The following TMEFF1 variants were observed in gnomAD, a reference collection of about 807,000 sequenced individuals.
The protein encoded by TMEFF1 is tomoregulin-1.
Under a neutral mutation model 47.5 loss-of-function variants are expected in TMEFF1, and 20 were observed. The observed-to-expected ratio is 0.42, with a 90% CI of 0.30 to 0.61. TMEFF1 has a LOEUF of 0.61. TMEFF1 is among the 20% of genes least tolerant of loss of function. TMEFF1 has a pLI of 0.19. For synonymous variants in TMEFF1, 162 were observed against 166.3 expected (o/e 0.97, Z 0.20); for missense variants, 411 against 471.1 (o/e 0.87, Z 1.18).
chr9:100,528,223 G>A (rs1165512779), intron 5 of TMEFF1, among the ~76,000 whole-genome samples: 16 of 151,270 alleles, frequency 1.1e-4, no homozygotes, highest in South Asian at 6.3e-4. Flanking sequence ...CACCAGCAAC[G>A]GAACAAAGCT....
chr9:100,479,932 A>G (rs1837308550), intron 1 of TMEFF1, among the ~76,000 whole-genome samples: 1 of 152,190 alleles, frequency 6.6e-6, no homozygotes, highest in South Asian at 2.1e-4. Context: ...TCACATTTTG[A>G]GGAATTACCA....
At chr9:100,482,093 A>T (rs767130347) in intron 1 of TMEFF1, among the ~76,000 whole-genome samples, 1 of 151,136 alleles carries the variant, frequency 6.6e-6, no homozygotes, top group African/African-American at 2.4e-5. Context: ...ACAGTTTTTT[A>T]AAAAAGTTAC....
chr9:100,526,031 G>A (rs562496917), intron 5 of TMEFF1, among the ~76,000 whole-genome samples: 2 of 152,262 alleles, frequency 1.3e-5, no homozygotes, highest in South Asian at 2.1e-4. Context: ...TTTTAAAAAC[G>A]TTTGAGACCT....
At chr9:100,488,973 C>T (rs1837500997) in intron 1 of TMEFF1, among the ~76,000 whole-genome samples, 2 of 152,004 alleles carry the variant, frequency 1.3e-5, no homozygotes, top group Admixed American at 1.3e-4. Context: ...GGTTTTCGTA[C>T]ATTTACTATA....
intron 5 of TMEFF1, among the ~76,000 whole-genome samples, chr9:100,542,586 G>A (rs1930239): frequency 0.011 from 1,699 of 152,230 alleles, 17 homozygotes; most frequent in African/African-American, 0.032. Flanking sequence ...TTCACTTTTA[G>A]CTATAAACAA....
chr9:100,566,001 T>C (rs2118560757), intron 8 of TMEFF1, among the ~76,000 whole-genome samples: 1 of 152,352 alleles, frequency 6.6e-6, no homozygotes, highest in South Asian at 2.1e-4. Flanking sequence ...CTAAATTCAG[T>C]GGTCAGTACT....
intron 1 of TMEFF1, among the ~76,000 whole-genome samples, chr9:100,497,350 G>A (rs958506723): frequency 1.1e-5 from 1 of 87,080 alleles, no homozygotes; most frequent in African/African-American, 4.8e-5. Flanking sequence ...TTTTTGGTGA[G>A]TGCTTGAGCT....
At chr9:100,564,936 G>T (rs1839093172) in intron 8 of TMEFF1, among the ~76,000 whole-genome samples, 1 of 152,114 alleles carries the variant, frequency 6.6e-6, no homozygotes, top group African/African-American at 2.4e-5. Context: ...GAGAACCTGG[G>T]GATTGGTGGA....
At chr9:100,546,433 C>CA (rs1391880926) in intron 5 of TMEFF1, among the ~76,000 whole-genome samples, 2 of 151,294 alleles carry the variant, frequency 1.3e-5, no homozygotes, top group African/African-American at 4.9e-5. Flanking sequence ...ATTCAATCCC[C>CA]CCCCCACCAG....
At chr9:100,498,674 G>A (rs1837702382) in intron 1 of TMEFF1, 91 bp from the exon 2 acceptor site, 2 of 1,178,110 alleles carry the variant, frequency 1.7e-6, no homozygotes, top group Non-Finnish European at 2.4e-6. Context: ...ACATTTTAAG[G>A]ACTTTTTCAT....
chr9:100,541,668 G>A (rs777589029), intron 5 of TMEFF1, among the ~76,000 whole-genome samples: 2 of 151,964 alleles, frequency 1.3e-5, no homozygotes, highest in African/African-American at 4.8e-5. Flanking sequence ...GAGCCACCAC[G>A]CCTGGCCAGA....
intron 1 of TMEFF1, among the ~76,000 whole-genome samples, chr9:100,484,608 C>A (rs59611728): frequency 0.044 from 6,635 of 151,588 alleles, 320 homozygotes; most frequent in South Asian, 0.22. Context: ...TGTGAGCCGC[C>A]GCGCCTGGCC....
intron 3 of TMEFF1, among the ~76,000 whole-genome samples, chr9:100,511,039 G>A (rs1375366689): frequency 3.3e-5 from 5 of 152,056 alleles, no homozygotes; most frequent in African/African-American, 1.2e-4. Flanking sequence ...GGAAGCAGAG[G>A]GAAAAGACGA....
intron 6 of TMEFF1, among the ~76,000 whole-genome samples, chr9:100,549,236 T>TA (rs1299412734): frequency 4.6e-5 from 7 of 152,110 alleles, no homozygotes; most frequent in South Asian, 2.1e-4. Flanking sequence ...AGGCACATCT[T>TA]ACATGGCCGG....
intron 1 of TMEFF1, among the ~76,000 whole-genome samples, chr9:100,487,782 T>A (rs963514996): frequency 9.5e-5 from 14 of 147,182 alleles, no homozygotes; most frequent in East Asian, 5.9e-4. Flanking sequence ...TTTTTTTTTT[T>A]AAATTCTAGG....
intron 1 of TMEFF1, among the ~76,000 whole-genome samples, chr9:100,493,967 G>A (rs189492092): frequency 6.6e-6 from 1 of 152,204 alleles, no homozygotes; most frequent in East Asian, 1.9e-4. Context: ...CAGATGGCTT[G>A]AGCCCAAGAA....
At chr9:100,572,741 C>A in intron 9 of TMEFF1, 65 bp downstream of exon 9, 2 of 1,507,670 alleles carry the variant, frequency 1.3e-6, no homozygotes, top group East Asian at 4.8e-5. Context: ...TTTATAGATG[C>A]TTTGAGGCCA....
At chr9:100,475,715 C>CTGTGTGTG (rs3055671) in intron 1 of TMEFF1, among the ~76,000 whole-genome samples, 2,425 of 140,898 alleles carry the variant, frequency 0.017, 37 homozygotes, top group Non-Finnish European at 0.027. Context: ...TGCAGAGCGA[C>CTGTGTGTG]TGTGTGTGTG....
chr9:100,513,176 A>G (rs964405466), intron 3 of TMEFF1, 131 bp from the exon 4 acceptor site: 1 of 1,254,582 alleles, frequency 8.0e-7, no homozygotes, highest in Non-Finnish European at 1.1e-6. Context: ...TAAATAAGAT[A>G]TCAAAAATAT....
Sources: allele counts gnomAD v4.1 joint callset (sites outside exome capture counted in the v4.1 genomes callset), GRCh38; gene constraint gnomAD v4.1.1; transcripts MANE v1.5; gene names NCBI Gene and HGNC (gene_info 2026-07-23, HGNC 2026-07-21).